Variants in PMFBP1 observed in about 807,000 individuals in gnomAD.
The protein encoded by PMFBP1 is polyamine-modulated factor 1-binding protein 1.
In PMFBP1, 131 loss-of-function variants were observed where a neutral mutation model predicts 137.8. That is an observed-to-expected ratio of 0.95 (90% CI 0.82 to 1.10). PMFBP1 has a LOEUF of 1.10. Ranked by LOEUF, PMFBP1 falls within the 50% of genes least tolerant of loss-of-function variation. The pLI is 0.00. For synonymous variants in PMFBP1, 490 were observed against 450.4 expected (o/e 1.09, Z -1.11); for missense variants, 1,199 against 1,175.4 (o/e 1.02, Z -0.29).
intron 4 of PMFBP1, among the ~76,000 whole-genome samples, chr16:72,151,413 T>C (rs950891714): frequency 2.0e-5 from 3 of 152,236 alleles, no homozygotes; most frequent in Non-Finnish European, 4.4e-5. Context: ...AGGGGATATA[T>C]ACATATTAGA....
chr16:72,249,045 C>G, the PMFBP1 span, among the ~76,000 whole-genome samples: 4 of 151,588 alleles, frequency 2.6e-5, no homozygotes, highest in Admixed American at 2.6e-4. Flanking sequence ...TTAAATACTG[C>G]TTTTTGGTTG....
At chr16:72,197,038 A>T in the PMFBP1 span, among the ~76,000 whole-genome samples, 2 of 152,104 alleles carry the variant, frequency 1.3e-5, no homozygotes, top group Non-Finnish European at 2.9e-5. Flanking sequence ...CAGCCCAGTG[A>T]CTCTAATGAT....
rs769575745 is a variant in PMFBP1, at chr16:72,150,623, G to A, written c.621C>T (p.Gly207=). 13 of 1,612,860 alleles carry A rather than the reference G, an allele frequency of 8.1e-6. No individual in the cohort carries two copies. Among genetic ancestry groups the A allele is most frequent in the South Asian group, 5.5e-5 (5 of 91,024 alleles). The change falls in exon 5 of 21, where the codon GGC becomes GGT. Residue 207 remains glycine, a synonymous_variant. Coordinates refer to ENST00000237353, the MANE Select transcript of PMFBP1 (RefSeq NM_031293.3). ...CQVKMLQGEL[G]GIMGQEPENK... ...TAAGTCCTACCTGACCCATGATCCC[G>A]CCGAGTTCCCCCTGCAACATCTTCA...
chr16:72,138,448 T>G lies in PMFBP1; in HGVS notation c.918+841A>C, dbSNP rs1262819688. Among the ~76,000 whole-genome samples, 3 of 152,234 alleles carry G rather than the reference T, an allele frequency of 2.0e-5. No individual in the cohort carries two copies. The East Asian group carries it at 5.8e-4, about 29-fold the overall frequency. Reference sequence around the variant, plus strand: ...GTACCAAGTTCAGTCATGGCTGACTTAACAGGACCTCACCTAAGAGGACAC... The same window carrying G: ...GTACCAAGTTCAGTCATGGCTGACTGAACAGGACCTCACCTAAGAGGACAC... On this transcript the variant is annotated intron_variant, in intron 7 of 20. Coordinates refer to ENST00000237353, the MANE Select transcript of PMFBP1 (RefSeq NM_031293.3).
At chr16:72,150,260 A>C (rs1597479821) in intron 5 of PMFBP1, among the ~76,000 whole-genome samples, 1 of 152,132 alleles carries the variant, frequency 6.6e-6, no homozygotes, top group African/African-American at 2.4e-5. Context: ...AGGAAGAGGG[A>C]GGAAGCAGGG....
chr16:72,147,720 A>G (rs146534332), intron 5 of PMFBP1, among the ~76,000 whole-genome samples: 270 of 152,368 alleles, frequency 1.8e-3, no homozygotes, highest in Middle Eastern at 0.01. Context: ...GGATATGAAC[A>G]GACACTTCTC....
At chr16:72,130,507 CTG>C (rs1274357238) in intron 11 of PMFBP1, 24 bp downstream of exon 11, 1 of 1,613,292 alleles carries the variant, frequency 6.2e-7, no homozygotes, top group South Asian at 1.1e-5. Flanking sequence ...GAACCTCTCT[CTG>C]GAGGGGAGCC....
chr16:72,223,060 G>A, the PMFBP1 span, among the ~76,000 whole-genome samples: 2 of 152,154 alleles, frequency 1.3e-5, no homozygotes, highest in Non-Finnish European at 2.9e-5. Flanking sequence ...TCATGAATAT[G>A]CTACCCCAGG....
the PMFBP1 span, among the ~76,000 whole-genome samples, chr16:72,237,568 T>G: frequency 1.3e-5 from 2 of 152,208 alleles, no homozygotes; most frequent in East Asian, 3.8e-4. Flanking sequence ...TTAAAAAATT[T>G]TTTTGGCATT....
At chr16:72,195,981 ATG>A in the PMFBP1 span, among the ~76,000 whole-genome samples, 7,978 of 144,868 alleles carry the variant, frequency 0.055, 265 homozygotes, top group East Asian at 0.096. Flanking sequence ...AGCTTACAGA[ATG>A]TGTGTGTGTG....
chr16:72,142,536 A>G (rs535993202), intron 5 of PMFBP1, among the ~76,000 whole-genome samples: 1 of 152,366 alleles, frequency 6.6e-6, no homozygotes, highest in East Asian at 1.9e-4. Flanking sequence ...ATGCAGCAGT[A>G]TCTTTGAAGA....
At chr16:72,154,702 T>G (rs2042956131) in intron 3 of PMFBP1, among the ~76,000 whole-genome samples, 1 of 152,174 alleles carries the variant, frequency 6.6e-6, no homozygotes, top group South Asian at 2.1e-4. Flanking sequence ...ACCAAAATCT[T>G]ATTATTTAGG....
At chr16:72,200,990 C>G in the PMFBP1 span, among the ~76,000 whole-genome samples, 4 of 152,300 alleles carry the variant, frequency 2.6e-5, no homozygotes, top group African/African-American at 7.2e-5. Context: ...CTGGTTATGA[C>G]TCTCTGCCTG....
At chr16:72,241,178 C>T in the PMFBP1 span, among the ~76,000 whole-genome samples, 1 of 152,116 alleles carries the variant, frequency 6.6e-6, no homozygotes, top group Non-Finnish European at 1.5e-5. Flanking sequence ...ACAGATAAAG[C>T]ACCTGCAGGC....
At chr16:72,121,495 T>C (rs947675283) in intron 19 of PMFBP1, among the ~76,000 whole-genome samples, 4 of 152,232 alleles carry the variant, frequency 2.6e-5, no homozygotes, top group Admixed American at 1.3e-4. Flanking sequence ...AAGCCTAGAA[T>C]AGGGCTTTCC....
At chr16:72,149,860 T>C (rs1387601849) in intron 5 of PMFBP1, among the ~76,000 whole-genome samples, 1 of 152,078 alleles carries the variant, frequency 6.6e-6, no homozygotes, top group Non-Finnish European at 1.5e-5. Context: ...AAAAATAACC[T>C]CCTGCCCATT....
chr16:72,118,493 C>T (rs1474394711), downstream of PMFBP1, among the ~76,000 whole-genome samples: 5 of 152,204 alleles, frequency 3.3e-5, no homozygotes, highest in East Asian at 5.8e-4. Flanking sequence ...CAGTGGGTTT[C>T]TTCCTTCACT....
chr16:72,136,623 A>G lies in PMFBP1; in HGVS notation c.1046-18T>C. 6.2e-7 allele frequency: 1 copy of G among 1,614,110 alleles called. No homozygotes were observed. On this transcript the variant is annotated intron_variant, in intron 8 of 20. Transcript: ENST00000237353. ...CATCATGTCTACCATGGGGCGGGAC[A>G]GAGTCTATGCTCAGGGGAGAGTTAG...
chr16:72,189,150 C>T, the PMFBP1 span, among the ~76,000 whole-genome samples: 3 of 152,224 alleles, frequency 2.0e-5, no homozygotes, highest in African/African-American at 7.2e-5. Context: ...TTAATTCTCC[C>T]AACAACCTCC....
Sources: gnomAD v4.1 joint callset for allele counts (sites outside exome capture counted in the v4.1 genomes callset) on GRCh38, gnomAD v4.1.1 for gene constraint, MANE v1.5 for transcripts, NCBI Gene and HGNC (gene_info 2026-07-23, HGNC 2026-07-21) for gene names.